PRDM16: variants seen among roughly 807,000 people sequenced by gnomAD.
PRDM16 encodes the protein PR/SET domain 16.
Under a neutral mutation model 110.6 loss-of-function variants are expected in PRDM16, and 23 were observed. The observed-to-expected ratio is 0.21, with a 90% CI of 0.15 to 0.29. PRDM16 has a LOEUF of 0.29. Ranked by LOEUF, PRDM16 falls within the 10% of genes least tolerant of loss-of-function variation. PRDM16 has a pLI of 1.00. For synonymous variants in PRDM16, 799 were observed against 781.8 expected (o/e 1.02, Z -0.37); for missense variants, 1,615 against 1,794.3 (o/e 0.90, Z 1.81).
chr1:3,419,071 C>T (rs1638354899), intron 12 of PRDM16, among the ~76,000 whole-genome samples: 1 of 152,206 alleles, frequency 6.6e-6, no homozygotes, highest in Non-Finnish European at 1.5e-5. Context: ...AGAGCCAGGG[C>T]CCAGAGGGTC....
In PRDM16 at chr1:3,208,871, G is replaced by GC. The variant is rs544682774; in HGVS notation, c.387+22404dup. ...TTGCTCCCTGAGTGCCTGTCCAGAG[G>GC]CCCCCCCAGGTCCCCACGAGTGGGT... On this transcript the variant is annotated intron_variant, in intron 2 of 16. Transcript: ENST00000270722. This position sits in a 1 kb window ranked among gnomAD's most constrained non-coding sequence, Gnocchi z 6.1. Among the ~76,000 whole-genome samples the GC allele has an allele frequency of 2.0e-5, 3 of 152,026 alleles. No homozygotes were observed. Among genetic ancestry groups the GC allele is most frequent in the Admixed American group, 6.5e-5 (1 of 15,272 alleles).
rs1638639084 is a variant in PRDM16 at position 3,201,921 on chromosome 1, C to T, written c.387+15447C>T. On this transcript the variant is annotated intron_variant, in intron 2 of 16. Transcript: ENST00000270722. This position sits in a 1 kb window ranked among gnomAD's most constrained non-coding sequence, Gnocchi z 4.1. ...CGGAGGGACCTCCAAGTGGAGCCTTCGAGCAAGGGGTCCAGCTCCTGTAGG... is the reference window on the plus strand; with the variant it reads ...CGGAGGGACCTCCAAGTGGAGCCTTTGAGCAAGGGGTCCAGCTCCTGTAGG... Among the ~76,000 whole-genome samples, 2 of 152,192 alleles carry T rather than the reference C, an allele frequency of 1.3e-5. No individual in the cohort carries two copies. The highest frequency in any genetic ancestry group is 6.5e-5 in the Admixed American group (1 of 15,286).
rs951445146 is a variant in PRDM16, at chr1:3,084,856, G to C, written c.37+15560G>C. On this transcript the variant is annotated intron_variant, in intron 1 of 16. Coordinates refer to ENST00000270722, the MANE Select transcript of PRDM16 (RefSeq NM_022114.4). ...GGCAGGCCAGGGAAGTGATTCTTTG[G>C]GCCAGTAGCTCTCGGGTGCACACCT... Among the ~76,000 whole-genome samples the C allele has an allele frequency of 4.6e-5, 7 of 152,144 alleles. No individual in the cohort carries two copies. In the East Asian group the frequency reaches 7.7e-4, roughly 17 times the overall value.
intron 3 of PRDM16, among the ~76,000 whole-genome samples, chr1:3,348,609 C>A (rs1185831895): frequency 6.6e-6 from 1 of 152,250 alleles, no homozygotes; most frequent in Non-Finnish European, 1.5e-5. Flanking sequence ...AGGAGGGGGG[C>A]TTCCCCGGAG....
At chr1:3,250,637 A>G (rs1380921123) in intron 3 of PRDM16, among the ~76,000 whole-genome samples, 2 of 152,004 alleles carry the variant, frequency 1.3e-5, no homozygotes, top group African/African-American at 4.8e-5. Context: ...GGTCTCTACC[A>G]CCCTGCGTGT....
At chr1:3,135,070 G>A (rs1569649301) in intron 1 of PRDM16, among the ~76,000 whole-genome samples, 2 of 152,364 alleles carry the variant, frequency 1.3e-5, no homozygotes, top group Middle Eastern at 3.4e-3. Flanking sequence ...CCCGGGTCAG[G>A]GGCTTCTGGA....
In PRDM16 at chr1:3,287,733, G is replaced by A. The variant is rs546414147; in HGVS notation, c.438+43596G>A. Among the ~76,000 whole-genome samples the A allele has an allele frequency of 4.9e-4, 68 of 137,870 alleles. 2 individuals carry two copies. The highest frequency in any genetic ancestry group is 6.7e-4 in the Non-Finnish European group (44 of 65,398). The allele number at this position is 137,870 out of a possible 152,430, so 90.4% of individuals were successfully genotyped here. A position where few individuals can be genotyped will look rare whatever the true frequency, so the allele number is the denominator to read the frequency against. On this transcript the variant is annotated intron_variant, in intron 3 of 16. Coordinates refer to ENST00000270722, the MANE Select transcript of PRDM16 (RefSeq NM_022114.4). The stretch of plus-strand genomic sequence containing the variant: ...GCGGACATCCAGGATTGCATTTACC[G>A]GGGCTGGAGCTGCCCCTGCCATGCG...
At chr1:3,357,149 C>A (rs1570127698) in intron 3 of PRDM16, among the ~76,000 whole-genome samples, 1 of 152,140 alleles carries the variant, frequency 6.6e-6, no homozygotes, top group South Asian at 2.1e-4. Flanking sequence ...TCTCTGCTGT[C>A]TGGGGCCGGG....
intron 12 of PRDM16, among the ~76,000 whole-genome samples, chr1:3,421,090 G>A (rs759781435): frequency 2.0e-5 from 3 of 152,210 alleles, no homozygotes; most frequent in South Asian, 2.1e-4. Flanking sequence ...CACGCGGCCC[G>A]TGCATGTCCT....
At chr1:3,331,801 T>A (rs1263216759) in intron 3 of PRDM16, among the ~76,000 whole-genome samples, 3 of 152,012 alleles carry the variant, frequency 2.0e-5, no homozygotes, top group Admixed American at 6.6e-5. Context: ...GTTAGTAGGC[T>A]CCCCGCTCGG....
At chr1:3,072,984 G>A (rs1205011130) in intron 1 of PRDM16, among the ~76,000 whole-genome samples, 1 of 152,240 alleles carries the variant, frequency 6.6e-6, no homozygotes, top group Non-Finnish European at 1.5e-5. Context: ...TGGGCTCCTT[G>A]GGGACAGGCA....
At chr1:3,188,508 C>T (rs1644298178) in intron 2 of PRDM16, among the ~76,000 whole-genome samples, 2 of 152,218 alleles carry the variant, frequency 1.3e-5, no homozygotes, top group South Asian at 4.1e-4. Flanking sequence ...AGGGAACGCG[C>T]TCTCCTCACG....
chr1:3,389,174 G>A (rs79456011), intron 4 of PRDM16, among the ~76,000 whole-genome samples: 49,762 of 151,988 alleles, frequency 0.33, 8,685 homozygotes, highest in East Asian at 0.61. Flanking sequence ...GGGGACAGGG[G>A]CTTGAGAACA....
chr1:3,433,342 C>T (rs890092800), intron 16 of PRDM16, among the ~76,000 whole-genome samples: 6 of 152,246 alleles, frequency 3.9e-5, no homozygotes, highest in Admixed American at 2.0e-4. Flanking sequence ...CCTTCTGCCC[C>T]CTGTGGCCCA....
chr1:3,362,210 GTCC>G (rs1642727308), intron 3 of PRDM16, among the ~76,000 whole-genome samples: 1 of 152,250 alleles, frequency 6.6e-6, no homozygotes, highest in Non-Finnish European at 1.5e-5. Context: ...TGGTGACCCT[GTCC>G]TCCTTCTAGC....
rs1638259664 is a variant in PRDM16, at chr1:3,190,034, G to A, written c.387+3560G>A. 6.6e-6 allele frequency among the ~76,000 whole-genome samples: 1 copy of A among 152,178 alleles called. No homozygotes were observed. The highest frequency in any genetic ancestry group is 1.5e-5 in the Non-Finnish European group (1 of 68,026). On this transcript the variant is annotated intron_variant, in intron 2 of 16. Coordinates refer to ENST00000270722, the MANE Select transcript of PRDM16 (RefSeq NM_022114.4). The surrounding 1 kb of genome is among the most constrained non-coding windows in gnomAD (Gnocchi z 5.0). ...CAGTGCCAGGCAACCCTCGGCTTTG[G>A]GATGACTGGGGAGGGTCAGGGGCTC...
At chr1:3,085,687 T>A (rs1642133121) in intron 1 of PRDM16, among the ~76,000 whole-genome samples, 2 of 152,222 alleles carry the variant, frequency 1.3e-5, no homozygotes, top group African/African-American at 4.8e-5. Flanking sequence ...TGCCCATGTG[T>A]GTGTCCTCCT....
Position 3,084,597 on chromosome 1 carries a change from G to A in PRDM16, c.37+15301G>A, listed in dbSNP as rs1020354580. On this transcript the variant is annotated intron_variant, in intron 1 of 16. Coordinates refer to ENST00000270722, the MANE Select transcript of PRDM16 (RefSeq NM_022114.4). ...GAGGTGCAGCCCCAGAATGGAGGCC[G>A]CTGTCCCTGGACACTTGAGCCAGGG... Among the ~76,000 whole-genome samples the A allele has an allele frequency of 5.3e-5, 8 of 152,162 alleles. 1 individual carries two copies. Among genetic ancestry groups the A allele is most frequent in the Admixed American group, 5.2e-4 (8 of 15,280 alleles).
chr1:3,152,543 A>C (rs1484463483), intron 1 of PRDM16, among the ~76,000 whole-genome samples: 6 of 152,168 alleles, frequency 3.9e-5, no homozygotes, highest in Admixed American at 2.0e-4. Flanking sequence ...GAAGGCTTGG[A>C]GGGGTTCTGA....
Sources: gnomAD v4.1 joint callset for allele counts (sites outside exome capture counted in the v4.1 genomes callset) on GRCh38, gnomAD v4.1.1 for gene constraint, Gnocchi (gnomAD v3.1) non-coding constraint, MANE v1.5 for transcripts, NCBI Gene and HGNC (gene_info 2026-07-23, HGNC 2026-07-21) for gene names.